INPP4B: variants seen among roughly 807,000 people sequenced by gnomAD.
The protein encoded by INPP4B is inositol polyphosphate-4-phosphatase type II B.
In INPP4B, 55 loss-of-function variants were observed where a neutral mutation model predicts 122.5. The observed-to-expected ratio is 0.45, with a 90% CI of 0.36 to 0.56. INPP4B has a LOEUF of 0.56. Among genes scored for constraint, INPP4B ranks in the 20% least tolerant of loss-of-function variants. The pLI is 0.00. For missense variants in INPP4B, 1,000 were observed against 1,097.7 expected (o/e 0.91, Z 1.26); for synonymous variants, 403 against 388.7 (o/e 1.04, Z -0.43).
chr4:142,131,601 A>C (rs140936035), intron 18 of INPP4B, among the ~76,000 whole-genome samples: 57 of 152,362 alleles, frequency 3.7e-4, no homozygotes, highest in African/African-American at 1.3e-3. Flanking sequence ...AATGCTGAGT[A>C]AGCAGTCAAG....
At chr4:142,537,808 C>A (rs907139111) in intron 2 of INPP4B, among the ~76,000 whole-genome samples, 96 of 149,268 alleles carry the variant, frequency 6.4e-4, no homozygotes, top group Admixed American at 6.1e-3. Flanking sequence ...ATATAAAAAG[C>A]AACTTACCAC....
chr4:142,666,675 A>G (rs1045776019), intron 2 of INPP4B, among the ~76,000 whole-genome samples: 2 of 151,790 alleles, frequency 1.3e-5, no homozygotes, highest in Non-Finnish European at 2.9e-5. Flanking sequence ...GTGTGTGTGT[A>G]CTTTTCTTGC....
At chr4:142,557,118 G>A (rs561508650) in intron 2 of INPP4B, among the ~76,000 whole-genome samples, 2 of 152,272 alleles carry the variant, frequency 1.3e-5, no homozygotes, top group African/African-American at 4.8e-5. Flanking sequence ...TGCTGGTGCA[G>A]GAGTGAGCGT....
chr4:142,502,618 A>G (rs1823527872), intron 2 of INPP4B, among the ~76,000 whole-genome samples: 1 of 151,964 alleles, frequency 6.6e-6, no homozygotes, highest in African/African-American at 2.4e-5. Flanking sequence ...CCTCCCAAGT[A>G]GCTGGGATTA....
intron 9 of INPP4B, among the ~76,000 whole-genome samples, chr4:142,285,612 A>AGCCAGTTTCTAGG (rs1448984421): frequency 6.6e-6 from 1 of 150,742 alleles, no homozygotes; most frequent in East Asian, 1.9e-4. Context: ...CAGGGAAGAA[A>AGCCAGTTTCTAGG]GCCAGTTTCT....
intron 2 of INPP4B, among the ~76,000 whole-genome samples, chr4:142,688,975 C>T (rs1396684528): frequency 6.6e-6 from 1 of 152,184 alleles, no homozygotes; most frequent in Non-Finnish European, 1.5e-5. Flanking sequence ...GCTTTCGACT[C>T]CTCATGATTT....
intron 25 of INPP4B, among the ~76,000 whole-genome samples, chr4:142,050,118 TTTTA>T (rs983279957): frequency 2.6e-5 from 4 of 152,002 alleles, no homozygotes; most frequent in Non-Finnish European, 5.9e-5. Flanking sequence ...GCTCAAATAG[TTTTA>T]TTTTATTTTT....
intron 2 of INPP4B, among the ~76,000 whole-genome samples, chr4:142,650,397 C>T (rs1341747074): frequency 1.1e-4 from 17 of 152,186 alleles, no homozygotes; most frequent in African/African-American, 2.2e-4. Context: ...GGGTTAAATG[C>T]CCCAATTAAA....
At chr4:142,572,339 T>C (rs114471792) in intron 2 of INPP4B, among the ~76,000 whole-genome samples, 2,712 of 152,186 alleles carry the variant, frequency 0.018, 67 homozygotes, top group African/African-American at 0.061. Context: ...GAGAGAGCTG[T>C]GGGGTATCTA....
chr4:142,794,054 T>C (rs906584143), intron 1 of INPP4B, among the ~76,000 whole-genome samples: 4 of 152,054 alleles, frequency 2.6e-5, no homozygotes, highest in Non-Finnish European at 5.9e-5. Flanking sequence ...AGTGTTGGTA[T>C]CTATCTACCT....
At chr4:142,462,841 A>T (rs2149601547) in intron 2 of INPP4B, 115 bp from the exon 3 acceptor site, 1 of 152,346 alleles carries the variant, frequency 6.6e-6, no homozygotes, top group African/African-American at 2.4e-5. Context: ...ATTCAAACTT[A>T]GGGATTTATC....
intron 3 of INPP4B, among the ~76,000 whole-genome samples, chr4:142,435,702 G>C (rs1810320207): frequency 6.6e-6 from 1 of 152,226 alleles, no homozygotes; most frequent in African/African-American, 2.4e-5. Flanking sequence ...CCCATACCCA[G>C]ACAAGGGAGG....
At chr4:142,547,605 T>A (rs1183226292) in intron 2 of INPP4B, among the ~76,000 whole-genome samples, 52 of 152,188 alleles carry the variant, frequency 3.4e-4, no homozygotes, top group Non-Finnish European at 4.4e-5. Flanking sequence ...CCCCATTTTA[T>A]GTCTCAGGAA....
intron 7 of INPP4B, among the ~76,000 whole-genome samples, chr4:142,386,069 A>G (rs1205976282): frequency 9.9e-5 from 15 of 152,110 alleles, no homozygotes. Context: ...GAAAAACACT[A>G]TCTTCTTCTC....
intron 21 of INPP4B, among the ~76,000 whole-genome samples, chr4:142,114,729 C>T (rs776911138): frequency 1.3e-5 from 2 of 151,876 alleles, no homozygotes; most frequent in Non-Finnish European, 2.9e-5. Context: ...TTTTTACTTA[C>T]TTAATGGTGT....
Position 142,023,349 on chromosome 4 carries a change from A to G in INPP4B, c.*5433T>C, listed in dbSNP as rs1054744199. The G allele has an allele frequency of 1.8e-4, 27 of 152,158 alleles. No individual in the cohort carries two copies. Among genetic ancestry groups the G allele is most frequent in the African/African-American group, 6.0e-4 (25 of 41,446 alleles). 9.4% of individuals were successfully genotyped at this position (152,158 alleles called of 1,614,324 possible). ...TAAAATACATATATAACATAAAAAG[A>G]AAACAAATGCCAACCTTTCAGATGA... On this transcript the variant is annotated 3_prime_UTR_variant, in exon 26 of 26. Coordinates refer to ENST00000262992, the MANE Select transcript of INPP4B (RefSeq NM_001101669.3).
intron 2 of INPP4B, among the ~76,000 whole-genome samples, chr4:142,652,508 C>T (rs1319669823): frequency 6.6e-6 from 1 of 152,158 alleles, no homozygotes; most frequent in East Asian, 1.9e-4. Context: ...AGCTGATCAG[C>T]AACTTCAGCA....
chr4:142,522,679 T>C (rs1826255946), intron 2 of INPP4B, among the ~76,000 whole-genome samples: 1 of 152,002 alleles, frequency 6.6e-6, no homozygotes, highest in Non-Finnish European at 1.5e-5. Context: ...CTGAAAGAAG[T>C]GGTGGCCTCA....
chr4:142,378,424 T>C (rs1180967862), intron 7 of INPP4B, among the ~76,000 whole-genome samples: 2 of 152,184 alleles, frequency 1.3e-5, no homozygotes, highest in African/African-American at 2.4e-5. Context: ...CAGTCTATTG[T>C]AATAGCTCAT....
Sources: gnomAD v4.1 joint callset for allele counts (sites outside exome capture counted in the v4.1 genomes callset) on GRCh38, gnomAD v4.1.1 for gene constraint, MANE v1.5 for transcripts, NCBI Gene and HGNC (gene_info 2026-07-23, HGNC 2026-07-21) for gene names.